Variants in NRG3 observed in about 807,000 individuals in gnomAD.
NRG3 encodes the protein pro-neuregulin-3, membrane-bound isoform.
NRG3 carries 31 observed loss-of-function variants against 66.9 expected under a neutral mutation model. The ratio of observed to expected loss-of-function variants is 0.46; its 90% CI spans 0.35 to 0.63. The LOEUF is 0.63. NRG3 is among the 20% of genes least tolerant of loss of function. The pLI is 0.00. For missense variants in NRG3, 910 were observed against 878.9 expected (o/e 1.04, Z -0.45); for synonymous variants, 393 against 359.4 (o/e 1.09, Z -1.06).
At position 82,958,996 on chromosome 10, in the gene NRG3, G is replaced by A. The variant is rs1200356642; in HGVS notation, c.1205G>A (p.Gly402Asp). Reference protein sequence around the residue: ...IQEQLKVPQNGKSYSLKASST... With the variant: ...IQEQLKVPQNDKSYSLKASST... ...GAGCAGCTGAAAGTGCCACAAAATGGTAAAAGCTACAGTCTCAAAGCATCC... is the reference window on the plus strand; with the variant it reads ...GAGCAGCTGAAAGTGCCACAAAATGATAAAAGCTACAGTCTCAAAGCATCC... The change falls in exon 6 of 9, where the codon GGT (glycine) becomes GAT (aspartate). Residue 402 changes from glycine to aspartate, a missense_variant. Gly to Asp is a moderately conservative substitution (Grantham distance 94). Coordinates refer to ENST00000372141, the MANE Select transcript of NRG3 (RefSeq NM_001010848.4). The A allele has an allele frequency of 1.2e-6, 2 of 1,607,200 alleles. No homozygotes were observed. Among genetic ancestry groups the A allele is most frequent in the Non-Finnish European group, 1.7e-6 (2 of 1,178,178 alleles).
At chr10:82,356,782 A>G (rs747207377) in intron 1 of NRG3, among the ~76,000 whole-genome samples, 31 of 152,256 alleles carry the variant, frequency 2.0e-4, no homozygotes, top group Non-Finnish European at 3.7e-4. Context: ...TACTAAAATG[A>G]TAACATAAAT....
chr10:81,875,237 C>G lies in NRG3; in HGVS notation c.-104C>G, dbSNP rs1398008027. The G allele has an allele frequency of 1.9e-6, 1 of 526,898 alleles. No homozygotes were observed. The highest frequency in any genetic ancestry group is 7.8e-5 in the South Asian group (1 of 12,858). The allele number at this position is 526,898 out of a possible 1,614,324, so 32.6% of individuals were successfully genotyped here. ...CGCGGCCGCTGCCTGCGCCCGAGCCCGCCGCCGCCGCCGGAGCCCGCGCCC... is the reference window on the plus strand; with the variant it reads ...CGCGGCCGCTGCCTGCGCCCGAGCCGGCCGCCGCCGCCGGAGCCCGCGCCC... On this transcript the variant is annotated 5_prime_UTR_variant, in exon 1 of 9. Transcript: ENST00000372141. This position sits in a 1 kb window ranked among gnomAD's most constrained non-coding sequence, Gnocchi z 5.3.
At position 82,521,442 on chromosome 10, in the gene NRG3, G is replaced by A. The variant is rs570615087; in HGVS notation, c.953+162574G>A. On this transcript the variant is annotated intron_variant, in intron 2 of 8. Coordinates refer to ENST00000372141, the MANE Select transcript of NRG3 (RefSeq NM_001010848.4). The stretch of plus-strand genomic sequence containing the variant: ...TGCAAGCCCTGTCTCCCGGGTTCAC[G>A]CCATTCTCCTGCCTCAGTCTCCCGA... Among the ~76,000 whole-genome samples the A allele has an allele frequency of 4.6e-5, 7 of 152,008 alleles. No homozygotes were observed. In the East Asian group the frequency reaches 1.2e-3, roughly 25 times the overall value.
intron 4 of NRG3, among the ~76,000 whole-genome samples, chr10:82,879,253 A>T (rs1051675402): frequency 6.6e-6 from 1 of 152,202 alleles, no homozygotes; most frequent in Non-Finnish European, 1.5e-5. Context: ...ATGAATACTT[A>T]TGGAAATAAC....
intron 1 of NRG3, among the ~76,000 whole-genome samples, chr10:82,352,490 T>G (rs1328831531): frequency 6.6e-6 from 1 of 152,178 alleles, no homozygotes; most frequent in Non-Finnish European, 1.5e-5. Flanking sequence ...GGAGTAGTTC[T>G]GTGACCTAAA....
At chr10:82,958,830 G>T (rs1478309830) in intron 5 of NRG3, 119 bp from the exon 6 acceptor site, 2 of 1,207,872 alleles carry the variant, frequency 1.7e-6, no homozygotes, top group Non-Finnish European at 1.1e-6. Context: ...CTCTTCGTTA[G>T]CTGAGTTTAT....
intron 1 of NRG3, among the ~76,000 whole-genome samples, chr10:81,949,397 G>T (rs1298021085): frequency 6.6e-6 from 1 of 152,138 alleles, no homozygotes; most frequent in Non-Finnish European, 1.5e-5. Flanking sequence ...TTAGCGACCT[G>T]TCTAGTCTGT....
Position 81,914,832 on chromosome 10 carries a change from T to C in NRG3, c.823+38669T>C, listed in dbSNP as rs188968232. On this transcript the variant is annotated intron_variant, in intron 1 of 8. Coordinates refer to ENST00000372141, the MANE Select transcript of NRG3 (RefSeq NM_001010848.4). Reference sequence around the variant, plus strand: ...TGATTCCATTTTTGCTTTGGTCATTTACTGGGTGTAAACTCTTGGGTTTTC... The same window carrying C: ...TGATTCCATTTTTGCTTTGGTCATTCACTGGGTGTAAACTCTTGGGTTTTC... 6.9e-3 allele frequency among the ~76,000 whole-genome samples: 1,048 copies of C among 151,728 alleles called. 11 individuals are homozygous for C. The highest frequency in any genetic ancestry group is 0.024 in the African/African-American group (1,005 of 41,392).
intron 2 of NRG3, among the ~76,000 whole-genome samples, chr10:82,529,775 G>C (rs940606237): frequency 6.6e-6 from 1 of 152,098 alleles, no homozygotes; most frequent in African/African-American, 2.4e-5. Flanking sequence ...TGTTATTTTA[G>C]GAAACTGTGC....
intron 2 of NRG3, among the ~76,000 whole-genome samples, chr10:82,500,607 G>A (rs970294486): frequency 6.7e-6 from 1 of 150,372 alleles, no homozygotes; most frequent in African/African-American, 2.4e-5. Flanking sequence ...TCCTTTCAGT[G>A]GGTCTTTAGA....
At chr10:82,646,636 A>T (rs1666182750) in intron 2 of NRG3, among the ~76,000 whole-genome samples, 1 of 152,202 alleles carries the variant, frequency 6.6e-6, no homozygotes, top group African/African-American at 2.4e-5. Context: ...TATAATAACT[A>T]TTACAATAGG....
rs2060084776 is a variant in NRG3 at position 82,780,583 on chromosome 10, G to T, written c.1027+41933G>T. 2.0e-5 allele frequency among the ~76,000 whole-genome samples: 3 copies of T among 150,068 alleles called. No homozygotes were observed. The Admixed American group carries it at 2.0e-4, about 10-fold the overall frequency. ...GTACATTTTGGCTGGTATGTTGAGA[G>T]ACTCTGGATCCTAGTTCAGTCTTTT... is the stretch of plus-strand genomic sequence containing the variant. On this transcript the variant is annotated intron_variant, in intron 3 of 8. Coordinates refer to ENST00000372141, the MANE Select transcript of NRG3 (RefSeq NM_001010848.4).
chr10:82,960,316 A>T (rs1231977464), intron 6 of NRG3, among the ~76,000 whole-genome samples: 1 of 152,224 alleles, frequency 6.6e-6, no homozygotes, highest in Non-Finnish European at 1.5e-5. Context: ...AAACAACCAC[A>T]GTGATGGAGG....
chr10:82,522,412 A>G (rs1411181872), intron 2 of NRG3, among the ~76,000 whole-genome samples: 1 of 152,142 alleles, frequency 6.6e-6, no homozygotes, highest in Non-Finnish European at 1.5e-5. Flanking sequence ...CACAATATGT[A>G]TTGTTTTCCA....
chr10:82,622,115 T>G (rs2049080202), intron 2 of NRG3, among the ~76,000 whole-genome samples: 4 of 152,216 alleles, frequency 2.6e-5, no homozygotes, highest in Admixed American at 2.0e-4. Context: ...TAAGACTACC[T>G]GTTGTCACTG....
chr10:82,193,135 C>G (rs1305503629), intron 1 of NRG3, among the ~76,000 whole-genome samples: 1 of 152,022 alleles, frequency 6.6e-6, no homozygotes, highest in Admixed American at 6.6e-5. Context: ...AGTGACATAA[C>G]TTGATTTCTA....
chr10:82,242,794 C>T (rs1299985316), intron 1 of NRG3, among the ~76,000 whole-genome samples: 3 of 152,112 alleles, frequency 2.0e-5, no homozygotes. Context: ...AGGCAGGGAA[C>T]CCATTCTCCA....
chr10:82,912,217 T>C lies in NRG3; in HGVS notation c.1055-39252T>C, dbSNP rs148025919. ...AGTGCTATTCAGTCAACTACATCCT[T>C]ACTGATAGCCTGCTTGCTGGATAGA... On this transcript the variant is annotated intron_variant, in intron 4 of 8. Transcript: ENST00000372141. Among the ~76,000 whole-genome samples, 235 of 152,330 alleles carry C rather than the reference T, an allele frequency of 1.5e-3. 3 individuals are homozygous for C. The highest frequency in any genetic ancestry group is 5.4e-3 in the African/African-American group (224 of 41,586).
intron 2 of NRG3, among the ~76,000 whole-genome samples, chr10:82,573,407 G>A (rs1405294202): frequency 1.3e-5 from 2 of 151,748 alleles, no homozygotes; most frequent in Admixed American, 1.3e-4. Flanking sequence ...TATCAAATTT[G>A]CAGAAGAGAT....
Sources: allele counts gnomAD v4.1 joint callset (sites outside exome capture counted in the v4.1 genomes callset), GRCh38; gene constraint gnomAD v4.1.1; non-coding constraint Gnocchi (gnomAD v3.1); transcripts MANE v1.5; gene names NCBI Gene and HGNC (gene_info 2026-07-23, HGNC 2026-07-21).